FHIT: variants seen among roughly 807,000 people sequenced by gnomAD.
FHIT encodes bis(5'-adenosyl)-triphosphatase.
FHIT carries 19 observed loss-of-function variants against 17.9 expected under a neutral mutation model. The observed-to-expected ratio is 1.06, with a 90% confidence interval of 0.74 to 1.56. The LOEUF is 1.56. FHIT is among the 40% of genes most tolerant of loss of function. FHIT has a pLI of 0.00. For synonymous variants in FHIT, 81 were observed against 69.7 expected (o/e 1.16, Z -0.81); for missense variants, 248 against 189.2 (o/e 1.31, Z -1.82).
intron 3 of FHIT, among the ~76,000 whole-genome samples, chr3:60,909,036 A>C (rs564050455): frequency 3.9e-5 from 6 of 152,248 alleles, no homozygotes; most frequent in African/African-American, 1.4e-4. Flanking sequence ...CATACTCAAC[A>C]TGTACTTCCA....
intron 4 of FHIT, among the ~76,000 whole-genome samples, chr3:60,751,508 A>G (rs1225063639): frequency 6.6e-6 from 1 of 152,264 alleles, no homozygotes; most frequent in African/African-American, 2.4e-5. Context: ...CAAAAGAAGA[A>G]ATAGGAATGC....
At chr3:60,201,988 C>G (rs922834759) in intron 5 of FHIT, among the ~76,000 whole-genome samples, 2 of 152,128 alleles carry the variant, frequency 1.3e-5, no homozygotes, top group Admixed American at 1.3e-4. Flanking sequence ...CCAGGATTGC[C>G]CACATATGTC....
intron 7 of FHIT, among the ~76,000 whole-genome samples, chr3:60,010,539 C>T (rs938224941): frequency 1.3e-5 from 2 of 152,152 alleles, no homozygotes; most frequent in Non-Finnish European, 2.9e-5. Context: ...AGCTAGTCTT[C>T]GAAGCATTAA....
chr3:60,182,580 C>T (rs1169906054), intron 5 of FHIT, among the ~76,000 whole-genome samples: 2 of 151,946 alleles, frequency 1.3e-5, no homozygotes, highest in East Asian at 1.9e-4. Context: ...AGTTTTGAGA[C>T]CAGCCTGGGC....
In FHIT at chr3:60,771,766, T is replaced by G. The variant is rs572819832; in HGVS notation, c.-18+50153A>C. On this transcript the variant is annotated intron_variant, in intron 4 of 9. Transcript: ENST00000492590. Reference sequence around the variant, plus strand: ...CCCCCTTATCTATGTCAAAGCAAACTTAGTTTCACATCAGCAGTGCTTCTC... The same window carrying G: ...CCCCCTTATCTATGTCAAAGCAAACGTAGTTTCACATCAGCAGTGCTTCTC... Among the ~76,000 whole-genome samples the G allele has an allele frequency of 3.3e-5, 5 of 152,320 alleles. No homozygotes were observed. The South Asian group carries it at 1.0e-3, about 32-fold the overall frequency.
intron 5 of FHIT, among the ~76,000 whole-genome samples, chr3:60,437,013 C>G (rs1286573532): frequency 6.6e-6 from 1 of 152,054 alleles, no homozygotes; most frequent in East Asian, 1.9e-4. Flanking sequence ...CTAACAAGCA[C>G]CTCGTATTTT....
intron 7 of FHIT, among the ~76,000 whole-genome samples, chr3:59,942,941 G>A (rs1706603546): frequency 6.6e-6 from 1 of 152,094 alleles, no homozygotes; most frequent in South Asian, 2.1e-4. Context: ...GACCCACTGT[G>A]CCTGGCTTCC....
chr3:60,341,089 C>A lies in FHIT; in HGVS notation c.103+195771G>T, dbSNP rs146476513. Among the ~76,000 whole-genome samples the A allele has an allele frequency of 1.1e-4, 16 of 152,180 alleles. No individual in the cohort carries two copies. The East Asian group carries it at 2.9e-3, about 28-fold the overall frequency. On this transcript the variant is annotated intron_variant, in intron 5 of 9. Transcript: ENST00000492590. The stretch of plus-strand genomic sequence containing the variant: ...TGGCTGACTTTTGGTATCTGCAGAT[C>A]CACAGAGCCAAATGCGGGACTTGAG...
chr3:60,985,119 G>A (rs1710664698), intron 3 of FHIT, among the ~76,000 whole-genome samples: 1 of 152,220 alleles, frequency 6.6e-6, no homozygotes, highest in Admixed American at 6.5e-5. Context: ...CCAAGCTCAT[G>A]AGTATGGCAT....
intron 4 of FHIT, among the ~76,000 whole-genome samples, chr3:60,785,934 C>CACAGAGAGAGAG (rs139392863): frequency 7.3e-6 from 1 of 137,892 alleles, no homozygotes. Context: ...CACACACACA[C>CACAGAGAGAGAG]AGAGAGAGTA....
intron 7 of FHIT, among the ~76,000 whole-genome samples, chr3:59,997,240 A>G (rs1699550524): frequency 6.6e-6 from 1 of 152,190 alleles, no homozygotes; most frequent in Non-Finnish European, 1.5e-5. Flanking sequence ...AGCCAAAGGC[A>G]TTGATGATTC....
chr3:60,942,571 C>G (rs1575728692), intron 3 of FHIT, among the ~76,000 whole-genome samples: 2 of 152,228 alleles, frequency 1.3e-5, no homozygotes, highest in African/African-American at 4.8e-5. Context: ...CTCTCTCTCT[C>G]TCTCTCTTTG....
chr3:60,447,946 G>T (rs927639742), intron 5 of FHIT, among the ~76,000 whole-genome samples: 1 of 152,150 alleles, frequency 6.6e-6, no homozygotes. Context: ...ACCTGCAGAA[G>T]AAAGTAAAAG....
chr3:60,416,304 G>A (rs572856902), intron 5 of FHIT, among the ~76,000 whole-genome samples: 2 of 152,024 alleles, frequency 1.3e-5, no homozygotes, highest in Admixed American at 6.6e-5. Context: ...CAATAAAAGG[G>A]CATTTGACAG....
chr3:60,285,882 C>T lies in FHIT; in HGVS notation c.103+250978G>A, dbSNP rs1007477106. On this transcript the variant is annotated intron_variant, in intron 5 of 9. Transcript: ENST00000492590. ...CCATCACCTTAAATATTTGTCTTTT[C>T]TTTATGCTAGATACATTTCAATTAT... is the stretch of plus-strand genomic sequence containing the variant. 5.3e-5 allele frequency among the ~76,000 whole-genome samples: 8 copies of T among 152,272 alleles called. 1 individual carries two copies. The South Asian group carries it at 1.7e-3, about 32-fold the overall frequency.
chr3:61,159,636 G>A (rs1332723960), intron 2 of FHIT, among the ~76,000 whole-genome samples: 2 of 152,142 alleles, frequency 1.3e-5, no homozygotes, highest in Non-Finnish European at 2.9e-5. Flanking sequence ...TGTTTACTTT[G>A]CTAATTCTCA....
intron 1 of FHIT, among the ~76,000 whole-genome samples, chr3:61,246,681 A>G (rs1296265363): frequency 2.7e-5 from 4 of 150,214 alleles, no homozygotes; most frequent in Non-Finnish European, 4.4e-5. Context: ...AACATCACAC[A>G]CCGGGGCCTG....
chr3:60,200,470 A>G (rs1559721680), intron 5 of FHIT, among the ~76,000 whole-genome samples: 1 of 152,162 alleles, frequency 6.6e-6, no homozygotes, highest in Non-Finnish European at 1.5e-5. Flanking sequence ...ATTTTCCTAT[A>G]CATGACCAAA....
intron 5 of FHIT, among the ~76,000 whole-genome samples, chr3:60,078,344 T>A (rs1703124234): frequency 6.6e-6 from 1 of 152,110 alleles, no homozygotes; most frequent in African/African-American, 2.4e-5. Context: ...AAGAAGGATA[T>A]AATACTACCT....
Sources: gnomAD v4.1 joint callset for allele counts (sites outside exome capture counted in the v4.1 genomes callset) on GRCh38, gnomAD v4.1.1 for gene constraint, MANE v1.5 for transcripts, NCBI Gene and HGNC (gene_info 2026-07-23, HGNC 2026-07-21) for gene names.